IGF1R: variants seen among roughly 807,000 people sequenced by gnomAD.
IGF1R encodes the protein insulin like growth factor 1 receptor.
In IGF1R, 44 loss-of-function variants were observed where a neutral mutation model predicts 144.6. The observed-to-expected ratio is 0.30, with a 90% CI of 0.24 to 0.39. The LOEUF (loss-of-function observed/expected upper bound fraction) is 0.39, where lower values mean the gene tolerates loss of function less well. Among genes scored for constraint, IGF1R ranks in the 10% least tolerant of loss-of-function variants. The pLI, the probability that IGF1R is intolerant of heterozygous loss-of-function variation, is 1.00. For missense variants in IGF1R, 1,355 were observed against 1,833.7 expected, an observed-to-expected ratio of 0.74 and a Z score of 4.77; for synonymous variants, 795 against 722.8, an observed-to-expected ratio of 1.10 and a Z score of -1.60.
At chr15:98,701,744 A>C (rs1015177028) in intron 1 of IGF1R, among the ~76,000 whole-genome samples, 1 of 152,202 alleles carries the variant, frequency 6.6e-6, no homozygotes, top group Non-Finnish European at 1.5e-5. Context: ...AGGGATAATC[A>C]GTGTTTTTGC....
chr15:98,757,685 C>T (rs1213847558), intron 2 of IGF1R, among the ~76,000 whole-genome samples: 1 of 151,972 alleles, frequency 6.6e-6, no homozygotes, highest in East Asian at 1.9e-4. Context: ...CTTGACTTTG[C>T]TTGGTATACT....
intron 3 of IGF1R, chr15:98,893,546 T>G (rs1314515141): frequency 6.6e-6 from 1 of 152,236 alleles, no homozygotes; most frequent in Non-Finnish European, 1.5e-5. Context: ...TGGAACCAAG[T>G]TGAGGCTCAG....
intron 2 of IGF1R, among the ~76,000 whole-genome samples, chr15:98,782,747 G>A (rs1395185642): frequency 6.6e-6 from 1 of 152,134 alleles, no homozygotes; most frequent in Non-Finnish European, 1.5e-5. Flanking sequence ...GTTTAAAATA[G>A]TCTTGTTCCT....
At chr15:98,691,512 T>C (rs768079777) in intron 1 of IGF1R, among the ~76,000 whole-genome samples, 1 of 152,018 alleles carries the variant, frequency 6.6e-6, no homozygotes, top group Non-Finnish European at 1.5e-5. Context: ...TACAGGTGCC[T>C]GCCACCACAC....
Position 98,649,550 on chromosome 15 carries a change from GAGAA to G in IGF1R, c.-29_-26del, listed in dbSNP as rs2052293364. The G allele has an allele frequency of 2.1e-6, 1 of 469,564 alleles. No homozygotes were observed. Among genetic ancestry groups the G allele is most frequent in the Non-Finnish European group, 3.2e-6 (1 of 312,418 alleles). 29.1% of individuals were successfully genotyped at this position (469,564 alleles called of 1,614,324 possible). ...CTTTTTTTTTTTTTTTTTTTTTTTT[GAGAA>G]AGGGGAATTTCATCCCAAATAAAAG... is the stretch of plus-strand genomic sequence containing the variant. On this transcript the variant is annotated 5_prime_UTR_variant, in exon 1 of 21. Coordinates refer to ENST00000650285, the MANE Select transcript of IGF1R (RefSeq NM_000875.5).
At chr15:98,673,157 G>A (rs912812187) in intron 1 of IGF1R, among the ~76,000 whole-genome samples, 3 of 152,122 alleles carry the variant, frequency 2.0e-5, no homozygotes, top group South Asian at 2.1e-4. Flanking sequence ...ACTGTGCCAC[G>A]TAGCATTCTT....
intron 2 of IGF1R, among the ~76,000 whole-genome samples, chr15:98,881,683 G>T (rs551153193): frequency 2.7e-4 from 41 of 152,164 alleles, no homozygotes; most frequent in Non-Finnish European, 3.8e-4. Flanking sequence ...AACACGGTGG[G>T]GGAAGAGGCT....
chr15:98,852,721 C>G (rs1233137050), intron 2 of IGF1R, among the ~76,000 whole-genome samples: 3 of 152,204 alleles, frequency 2.0e-5, no homozygotes, highest in African/African-American at 7.2e-5. Context: ...CCCTCCGCCT[C>G]CCGCCGTCGC....
At chr15:98,823,190 A>G (rs2056833291) in intron 2 of IGF1R, among the ~76,000 whole-genome samples, 1 of 152,270 alleles carries the variant, frequency 6.6e-6, no homozygotes, top group African/African-American at 2.4e-5. Flanking sequence ...ATGACTACAT[A>G]AGATGTGCTG....
intron 2 of IGF1R, among the ~76,000 whole-genome samples, chr15:98,835,230 G>C (rs1159968762): frequency 6.6e-6 from 1 of 151,088 alleles, no homozygotes; most frequent in Non-Finnish European, 1.5e-5. Flanking sequence ...CACACACCAG[G>C]ATTTGAAGGC....
At chr15:98,840,496 C>T (rs908534937) in intron 2 of IGF1R, among the ~76,000 whole-genome samples, 10 of 152,148 alleles carry the variant, frequency 6.6e-5, no homozygotes, top group African/African-American at 1.7e-4. Flanking sequence ...GTCACCCCGG[C>T]TGGAGCGCAG....
intron 2 of IGF1R, among the ~76,000 whole-genome samples, chr15:98,730,014 A>C (rs1294946735): frequency 6.6e-6 from 1 of 152,248 alleles, no homozygotes; most frequent in African/African-American, 2.4e-5. Flanking sequence ...AGTTAAAAGC[A>C]GAATTTGTGT....
chr15:98,878,722 G>T (rs1002824977), intron 2 of IGF1R, among the ~76,000 whole-genome samples: 2 of 149,240 alleles, frequency 1.3e-5, no homozygotes, highest in Non-Finnish European at 3.0e-5. Flanking sequence ...GCCAGGCACG[G>T]TGGCTCAGAC....
intron 2 of IGF1R, among the ~76,000 whole-genome samples, chr15:98,761,417 G>A (rs74032586): frequency 0.012 from 1,871 of 152,304 alleles, 43 homozygotes; most frequent in African/African-American, 0.043. Context: ...GGACATGGAC[G>A]GGGAAGCATT....
chr15:98,775,221 C>G (rs2055682248), intron 2 of IGF1R, among the ~76,000 whole-genome samples: 2 of 152,318 alleles, frequency 1.3e-5, no homozygotes, highest in African/African-American at 4.8e-5. Context: ...GGACCATTGC[C>G]TCGTTCCCCC....
chr15:98,794,460 G>A (rs568573463), intron 2 of IGF1R, among the ~76,000 whole-genome samples: 112 of 152,284 alleles, frequency 7.4e-4, no homozygotes, highest in Middle Eastern at 3.4e-3. Flanking sequence ...ATAAGAGGAG[G>A]AAAACTGCGC....
intron 2 of IGF1R, among the ~76,000 whole-genome samples, chr15:98,804,069 C>G (rs61247928): frequency 0.017 from 2,520 of 152,262 alleles, 65 homozygotes; most frequent in African/African-American, 0.057. Flanking sequence ...ATATTCTATC[C>G]TTACAGGACC....
At chr15:98,797,400 T>C (rs1473098614) in intron 2 of IGF1R, among the ~76,000 whole-genome samples, 1 of 152,264 alleles carries the variant, frequency 6.6e-6, no homozygotes, top group African/African-American at 2.4e-5. Context: ...AGTGGACCGT[T>C]ACCTGTGCAT....
intron 2 of IGF1R, among the ~76,000 whole-genome samples, chr15:98,836,308 C>G (rs77797053): frequency 1.2e-3 from 185 of 152,040 alleles, no homozygotes; most frequent in African/African-American, 3.4e-3. Context: ...CAAGACAAAT[C>G]TCTTAAAGCC....
Sources: allele counts gnomAD v4.1 joint callset (sites outside exome capture counted in the v4.1 genomes callset), GRCh38; gene constraint gnomAD v4.1.1; transcripts MANE v1.5; gene names NCBI Gene and HGNC (gene_info 2026-07-23, HGNC 2026-07-21).